Variants in MYT1L observed in about 807,000 individuals in gnomAD.
MYT1L encodes the protein myelin transcription factor 1-like protein.
In MYT1L, 12 loss-of-function variants were observed where a neutral mutation model predicts 126.7. The ratio of observed to expected loss-of-function variants is 0.09; its 90% CI spans 0.06 to 0.15. The LOEUF is 0.15. Ranked by LOEUF, MYT1L falls within the 10% of genes least tolerant of loss-of-function variation. MYT1L has a pLI of 1.00. For missense variants in MYT1L, 979 were observed against 1,585.2 expected (o/e 0.62, Z 6.49); for synonymous variants, 541 against 604.2 (o/e 0.90, Z 1.53).
intron 2 of MYT1L, among the ~76,000 whole-genome samples, chr2:2,186,242 G>A (rs2092173084): frequency 1.4e-5 from 2 of 147,396 alleles, no homozygotes; most frequent in Non-Finnish European, 3.0e-5. Flanking sequence ...TGAGGGGGAC[G>A]CAGCCAGGCC....
intron 9 of MYT1L, among the ~76,000 whole-genome samples, chr2:1,933,456 T>C (rs2055303366): frequency 6.6e-6 from 1 of 152,210 alleles, no homozygotes; most frequent in Non-Finnish European, 1.5e-5. Context: ...CGCTTCACTT[T>C]GAACACTGAA....
intron 19 of MYT1L, among the ~76,000 whole-genome samples, chr2:1,850,130 C>G (rs964948717): frequency 2.8e-5 from 4 of 145,320 alleles, no homozygotes; most frequent in Non-Finnish European, 6.0e-5. Context: ...TTCCCTCCTG[C>G]CCCTCCCTCC....
intron 2 of MYT1L, among the ~76,000 whole-genome samples, chr2:2,190,606 T>C (rs1180811037): frequency 6.6e-6 from 1 of 151,126 alleles, no homozygotes; most frequent in Non-Finnish European, 1.5e-5. Context: ...AAGAAAGTAC[T>C]TGTGTCCTGG....
chr2:2,047,185 A>G (rs2150056956), intron 4 of MYT1L, among the ~76,000 whole-genome samples: 1 of 152,326 alleles, frequency 6.6e-6, no homozygotes, highest in African/African-American at 2.4e-5. Context: ...TTGACTCAGC[A>G]AGATTTATTC....
chr2:1,913,462 T>A (rs191673653), intron 11 of MYT1L, among the ~76,000 whole-genome samples: 179 of 152,218 alleles, frequency 1.2e-3, no homozygotes, highest in African/African-American at 3.8e-3. Flanking sequence ...TTCCTCCCTG[T>A]CCCAGAGGAA....
intron 2 of MYT1L, among the ~76,000 whole-genome samples, chr2:2,260,537 C>T (rs1014490337): frequency 6.6e-6 from 1 of 152,224 alleles, no homozygotes; most frequent in Non-Finnish European, 1.5e-5. Context: ...GCAGAACTAT[C>T]ACCTACTTCA....
intron 21 of MYT1L, among the ~76,000 whole-genome samples, chr2:1,817,589 C>T (rs986899440): frequency 3.9e-5 from 6 of 152,236 alleles, no homozygotes; most frequent in African/African-American, 1.2e-4. Flanking sequence ...AATTCCAATC[C>T]GGTGACTGCA....
intron 4 of MYT1L, among the ~76,000 whole-genome samples, chr2:2,014,595 T>C (rs1456013225): frequency 2.0e-5 from 3 of 152,234 alleles, no homozygotes; most frequent in African/African-American, 7.2e-5. Context: ...CTCCAGCATC[T>C]GTGTCTGGGC....
intron 22 of MYT1L, among the ~76,000 whole-genome samples, chr2:1,805,560 CAG>C (rs1182531647): frequency 5.9e-5 from 9 of 151,890 alleles, no homozygotes; most frequent in African/African-American, 1.9e-4. Flanking sequence ...AAGAGCAACA[CAG>C]GGGGCAACAT....
chr2:2,140,685 G>A (rs575707118), intron 3 of MYT1L, among the ~76,000 whole-genome samples: 4 of 151,944 alleles, frequency 2.6e-5, no homozygotes, highest in African/African-American at 7.2e-5. Context: ...CCGCCGCCTC[G>A]GCCTCTCAAA....
chr2:2,011,388 G>A (rs1286524101), intron 4 of MYT1L, among the ~76,000 whole-genome samples: 2 of 147,650 alleles, frequency 1.4e-5, no homozygotes, highest in East Asian at 4.0e-4. Flanking sequence ...GGGTGACAGA[G>A]CAAGACTCCA....
At chr2:2,100,715 C>T (rs1470818085) in intron 3 of MYT1L, among the ~76,000 whole-genome samples, 1 of 152,114 alleles carries the variant, frequency 6.6e-6, no homozygotes, top group African/African-American at 2.4e-5. Context: ...TTCTGCTAGT[C>T]CCCTGGGTAA....
chr2:2,306,111 C>G (rs1008314022), intron 1 of MYT1L: 1 of 152,174 alleles, frequency 6.6e-6, no homozygotes, highest in Non-Finnish European at 1.5e-5. Flanking sequence ...GTGAAGACTC[C>G]TGGAATTTTG....
chr2:2,308,215 T>C (rs1054366346), intron 1 of MYT1L, among the ~76,000 whole-genome samples: 1 of 151,450 alleles, frequency 6.6e-6, no homozygotes, highest in Admixed American at 6.6e-5. Flanking sequence ...CAGTACACTC[T>C]ACCTATACTC....
chr2:2,216,895 C>T (rs1447744353), intron 2 of MYT1L, among the ~76,000 whole-genome samples: 2 of 151,764 alleles, frequency 1.3e-5, no homozygotes, highest in Non-Finnish European at 2.9e-5. Flanking sequence ...AAATTATGAG[C>T]CACTTTAATG....
chr2:1,880,420 C>G (rs1039670024), intron 18 of MYT1L, among the ~76,000 whole-genome samples: 1 of 152,154 alleles, frequency 6.6e-6, no homozygotes, highest in Non-Finnish European at 1.5e-5. Flanking sequence ...TCACTGCGAC[C>G]TCTGCCTCCC....
At chr2:2,090,882 C>G (rs930881359) in intron 3 of MYT1L, among the ~76,000 whole-genome samples, 3 of 152,234 alleles carry the variant, frequency 2.0e-5, no homozygotes, top group African/African-American at 7.2e-5. Context: ...TTCCTTTGCT[C>G]ATCCTTCAGA....
chr2:2,095,688 AG>A (rs904212899), intron 3 of MYT1L, among the ~76,000 whole-genome samples: 3 of 152,074 alleles, frequency 2.0e-5, no homozygotes, highest in African/African-American at 7.2e-5. Flanking sequence ...TATGGGCCAA[AG>A]GGTTTTTGAC....
In MYT1L at chr2:2,039,093, A is replaced by G. The variant is rs576900245; in HGVS notation, c.-158+14885T>C. 2.3e-3 allele frequency among the ~76,000 whole-genome samples: 354 copies of G among 152,334 alleles called. 1 individual carries two copies. Among genetic ancestry groups the G allele is most frequent in the African/African-American group, 8.2e-3 (342 of 41,574 alleles). On this transcript the variant is annotated intron_variant, in intron 4 of 24. Transcript: ENST00000647738. ...CAGCACTGGCACATGGAAGGCAGTC[A>G]GCAAGCACCGGGGGAATGAACAGAA...
Sources: gnomAD v4.1 joint callset for allele counts (sites outside exome capture counted in the v4.1 genomes callset) on GRCh38, gnomAD v4.1.1 for gene constraint, MANE v1.5 for transcripts, NCBI Gene and HGNC (gene_info 2026-07-23, HGNC 2026-07-21) for gene names.